TRDN: variants seen among roughly 807,000 people sequenced by gnomAD.
TRDN encodes the protein triadin.
In TRDN, 161 loss-of-function variants were observed where a neutral mutation model predicts 149.7. That is an observed-to-expected ratio of 1.08 (90% CI 0.95 to 1.23). TRDN has a LOEUF of 1.23. Ranked by LOEUF, TRDN falls within the 50% of genes most tolerant of loss-of-function variation. TRDN has a pLI of 0.00. For synonymous variants in TRDN, 294 were observed against 250.5 expected, an observed-to-expected ratio of 1.17 and a Z score of -1.64; for missense variants, 896 against 823.5, an observed-to-expected ratio of 1.09 and a Z score of -1.08.
intron 24 of TRDN, among the ~76,000 whole-genome samples, chr6:123,296,839 C>A (rs906123054): frequency 6.6e-6 from 1 of 151,846 alleles, no homozygotes; most frequent in Non-Finnish European, 1.5e-5. Context: ...ATGGTAAATG[C>A]TTTGAAAATT....
intron 23 of TRDN, among the ~76,000 whole-genome samples, chr6:123,327,116 A>T (rs949844005): frequency 4.6e-5 from 7 of 152,036 alleles, no homozygotes; most frequent in Admixed American, 6.6e-5. Context: ...TTTTTCCTAC[A>T]TGAGAAACAA....
intron 8 of TRDN, among the ~76,000 whole-genome samples, chr6:123,498,916 G>T (rs1270339386): frequency 6.6e-6 from 1 of 151,984 alleles, no homozygotes; most frequent in Admixed American, 6.6e-5. Context: ...TTCTCAAAGG[G>T]CAACTTAAAC....
intron 38 of TRDN, among the ~76,000 whole-genome samples, chr6:123,236,299 C>T (rs1365372781): frequency 6.6e-6 from 1 of 152,166 alleles, no homozygotes; most frequent in Non-Finnish European, 1.5e-5. Flanking sequence ...ATTTGCTATT[C>T]ATACATCCTC....
chr6:123,560,117 C>G (rs181039620), intron 2 of TRDN, among the ~76,000 whole-genome samples: 3 of 152,324 alleles, frequency 2.0e-5, no homozygotes, highest in East Asian at 3.9e-4. Context: ...CTTATGTCTG[C>G]GTGCGGCGGC....
intron 19 of TRDN, among the ~76,000 whole-genome samples, chr6:123,371,494 C>T (rs745519051): frequency 3.3e-5 from 5 of 152,116 alleles, no homozygotes; most frequent in Non-Finnish European, 7.4e-5. Context: ...GACACATAGT[C>T]CTGATCTCAA....
chr6:123,500,193 T>C (rs1778640309), intron 8 of TRDN, among the ~76,000 whole-genome samples: 1 of 152,178 alleles, frequency 6.6e-6, no homozygotes, highest in Non-Finnish European at 1.5e-5. Flanking sequence ...TTTTGTTATA[T>C]GTAAATAGTG....
Position 123,239,144 on chromosome 6 carries a change from C to A in TRDN, c.1975+13268G>T, listed in dbSNP as rs778802858. Among the ~76,000 whole-genome samples, 8 of 152,020 alleles carry A rather than the reference C, an allele frequency of 5.3e-5. No individual in the cohort carries two copies. In the East Asian group the frequency reaches 5.8e-4, roughly 11 times the overall value. On this transcript the variant is annotated intron_variant, in intron 38 of 40. Coordinates refer to ENST00000334268, the MANE Select transcript of TRDN (RefSeq NM_006073.4). The stretch of plus-strand genomic sequence containing the variant: ...GTGAGCCACTATGCCCAGCCATATA[C>A]TCTTTTTAAAAAGAGCTTTGTAAGG...
At chr6:123,545,209 G>A (rs1781053634) in intron 4 of TRDN, among the ~76,000 whole-genome samples, 1 of 151,876 alleles carries the variant, frequency 6.6e-6, no homozygotes, top group Admixed American at 6.6e-5. Flanking sequence ...TGTTTTAAAA[G>A]ACTATCATTC....
chr6:123,547,438 T>G, intron 3 of TRDN, 66 bp from the exon 4 acceptor site: 1 of 901,540 alleles, frequency 1.1e-6, no homozygotes, highest in Non-Finnish European at 1.6e-6. Flanking sequence ...ATGACATCAT[T>G]ATTTTCCCCT....
intron 33 of TRDN, among the ~76,000 whole-genome samples, chr6:123,264,397 T>G (rs1776868024): frequency 6.6e-6 from 1 of 152,054 alleles, no homozygotes; most frequent in Non-Finnish European, 1.5e-5. Flanking sequence ...GAATTAGAAG[T>G]GGTGGCTGAA....
At chr6:123,622,490 C>T (rs1785450277) in intron 1 of TRDN, among the ~76,000 whole-genome samples, 1 of 152,052 alleles carries the variant, frequency 6.6e-6, no homozygotes, top group Admixed American at 6.6e-5. Flanking sequence ...AAGTCGGTGT[C>T]CTTACCCTTG....
chr6:123,556,274 C>A (rs1781647632), intron 2 of TRDN, among the ~76,000 whole-genome samples: 1 of 152,076 alleles, frequency 6.6e-6, no homozygotes, highest in South Asian at 2.1e-4. Flanking sequence ...TGTATACAAT[C>A]ACTTGAACAA....
chr6:123,541,535 C>A (rs1017025164), intron 4 of TRDN, among the ~76,000 whole-genome samples: 5 of 152,080 alleles, frequency 3.3e-5, no homozygotes, highest in African/African-American at 1.2e-4. Flanking sequence ...TGGGCTTTGT[C>A]CCCCTCTCAC....
At chr6:123,252,288 C>A in intron 38 of TRDN, 124 bp downstream of exon 38, 1 of 457,816 alleles carries the variant, frequency 2.2e-6, no homozygotes, top group Non-Finnish European at 3.8e-6. Context: ...AAATTCCTGT[C>A]AGAGGATTCA....
chr6:123,382,135 G>A lies in TRDN; in HGVS notation c.1148C>T (p.Thr383Ile), dbSNP rs780744224. 15 of 1,495,312 alleles carry A rather than the reference G, an allele frequency of 1.0e-5. No homozygotes were observed. In the East Asian group the frequency reaches 3.8e-4, roughly 38 times the overall value. The allele number at this position is 1,495,312 out of a possible 1,614,324, so 92.6% of individuals were successfully genotyped here. ...TCCAGTACCTTCTGCAGGTTTTTTT[G>A]TTTTCTTGGAATCTGAAAACACAAA... ...KDEKKEDSKKTKKPAEVEQPK... is the reference protein window; with the variant it reads ...KDEKKEDSKKIKKPAEVEQPK... Residue 383 changes from threonine to isoleucine, a missense_variant, in exon 15 of 41, where the codon ACA becomes ATA. Transcript: ENST00000334268.
intron 1 of TRDN, among the ~76,000 whole-genome samples, chr6:123,576,971 TA>T (rs536988800): frequency 1.2e-4 from 17 of 145,150 alleles, no homozygotes; most frequent in African/African-American, 3.6e-4. Flanking sequence ...TAAAATAAAA[TA>T]AAAAAAAAAG....
At chr6:123,366,708 G>A (rs1006999366) in intron 19 of TRDN, among the ~76,000 whole-genome samples, 5 of 152,002 alleles carry the variant, frequency 3.3e-5, no homozygotes, top group African/African-American at 1.2e-4. Context: ...AGTAGAGACG[G>A]GGTTTCACCA....
intron 9 of TRDN, among the ~76,000 whole-genome samples, chr6:123,492,060 C>A (rs1041088641): frequency 6.6e-6 from 1 of 152,126 alleles, no homozygotes; most frequent in Non-Finnish European, 1.5e-5. Flanking sequence ...TTCCTTGAGG[C>A]TCTTTCTAGC....
chr6:123,575,368 C>T (rs1246710209), intron 1 of TRDN, among the ~76,000 whole-genome samples: 2 of 152,188 alleles, frequency 1.3e-5, no homozygotes, highest in East Asian at 3.9e-4. Context: ...AAATTGCCTT[C>T]TCTGACAGCT....
Sources: allele counts gnomAD v4.1 joint callset (sites outside exome capture counted in the v4.1 genomes callset), GRCh38; gene constraint gnomAD v4.1.1; transcripts MANE v1.5; gene names NCBI Gene and HGNC (gene_info 2026-07-23, HGNC 2026-07-21).